The following ELOVL6 variants were observed in gnomAD, a reference collection of about 807,000 sequenced individuals.
The protein encoded by ELOVL6 is ELOVL fatty acid elongase 6, also known as very long chain fatty acid elongase 6.
Under a neutral mutation model 31.7 loss-of-function variants are expected in ELOVL6, and 8 were observed. The observed-to-expected ratio is 0.25, with a 90% CI of 0.15 to 0.45. ELOVL6 has a LOEUF of 0.45. Among genes scored for constraint, ELOVL6 ranks in the 20% least tolerant of loss-of-function variants. ELOVL6 has a pLI of 1.00. For synonymous variants in ELOVL6, 101 were observed against 117.7 expected (o/e 0.86, Z 0.92); for missense variants, 126 against 326.4 (o/e 0.39, Z 4.73).
At chr4:110,095,799 C>A (rs1006805504) in intron 2 of ELOVL6, among the ~76,000 whole-genome samples, 7 of 142,388 alleles carry the variant, frequency 4.9e-5, no homozygotes, top group African/African-American at 1.9e-4. Context: ...ATTGGAGGGT[C>A]CAGGGTGGAA....
intron 2 of ELOVL6, among the ~76,000 whole-genome samples, chr4:110,091,344 G>C (rs1163987611): frequency 1.3e-5 from 2 of 152,128 alleles, no homozygotes; most frequent in Non-Finnish European, 2.9e-5. Flanking sequence ...CTAGAGGTAG[G>C]CTGTCTGTTC....
intron 1 of ELOVL6, among the ~76,000 whole-genome samples, chr4:110,151,015 C>T (rs1166316139): frequency 2.0e-5 from 3 of 151,238 alleles, no homozygotes; most frequent in Non-Finnish European, 2.9e-5. Context: ...TGCACTCCAG[C>T]CTGAGAGACA....
In ELOVL6 at chr4:110,090,600, C is replaced by CTTTTTTGTTTTTTTTTTTTT. The variant is rs1553956743; in HGVS notation, c.221+14896_221+14897insAAAAAAAAAAAAACAAAAAA. On this transcript the variant is annotated intron_variant, in intron 2 of 3. Transcript: ENST00000302274. The stretch of plus-strand genomic sequence containing the variant: ...GGAACTTACAGGAAAGTTTGACTTT[C>CTTTTTTGTTTTTTTTTTTTT]TTTTTTTTTTTTTTTTTTTTCATGA... Among the ~76,000 whole-genome samples, 41 of 103,716 alleles carry CTTTTTTGTTTTTTTTTTTTT rather than the reference C, an allele frequency of 4.0e-4. 2 individuals are homozygous for CTTTTTTGTTTTTTTTTTTTT. The highest frequency in any genetic ancestry group is 7.7e-4 in the African/African-American group (18 of 23,348). 68.0% of individuals were successfully genotyped at this position (103,716 alleles called of 152,430 possible). A position where few individuals can be genotyped will look rare whatever the true frequency, so the allele number is the denominator to read the frequency against.
chr4:110,132,262 A>G (rs559464680), intron 1 of ELOVL6, among the ~76,000 whole-genome samples: 364 of 152,266 alleles, frequency 2.4e-3, no homozygotes, highest in African/African-American at 8.2e-3. Context: ...TGGGAGGGGT[A>G]TGAGTAACCT....
chr4:110,186,532 A>G (rs1193332489), intron 1 of ELOVL6, among the ~76,000 whole-genome samples: 5 of 151,914 alleles, frequency 3.3e-5, no homozygotes, highest in Non-Finnish European at 5.9e-5. Flanking sequence ...ATATAAGTGG[A>G]ATGGGTTCAG....
chr4:110,148,211 T>C (rs1758181413), intron 1 of ELOVL6, among the ~76,000 whole-genome samples: 1 of 149,534 alleles, frequency 6.7e-6, no homozygotes, highest in African/African-American at 2.5e-5. Context: ...CCAAGAAGCA[T>C]ATGAAAAAAT....
intron 2 of ELOVL6, among the ~76,000 whole-genome samples, chr4:110,087,694 A>T (rs767096419): frequency 6.6e-6 from 1 of 152,256 alleles, no homozygotes; most frequent in Admixed American, 6.5e-5. Context: ...CCTTGTTCAT[A>T]CAATTACTTA....
intron 1 of ELOVL6, among the ~76,000 whole-genome samples, chr4:110,152,547 T>C (rs1206599860): frequency 6.6e-6 from 1 of 152,246 alleles, no homozygotes; most frequent in Non-Finnish European, 1.5e-5. Context: ...CAGGCAGTGA[T>C]GCCTGATACC....
chr4:110,144,606 C>A lies in ELOVL6; in HGVS notation c.90-38978G>T, dbSNP rs141753556. Among the ~76,000 whole-genome samples, 8 of 152,248 alleles carry A rather than the reference C, an allele frequency of 5.3e-5. No homozygotes were observed. In the East Asian group the frequency reaches 1.5e-3, roughly 29 times the overall value. On this transcript the variant is annotated intron_variant, in intron 1 of 3. Transcript: ENST00000302274. The stretch of plus-strand genomic sequence containing the variant: ...TCAATTGCAGCACTACTCTTTCCAA[C>A]TTTACACTGGTACCTAACCTGCAGA...
intron 1 of ELOVL6, among the ~76,000 whole-genome samples, chr4:110,129,480 C>T (rs1272610706): frequency 6.6e-6 from 1 of 152,212 alleles, no homozygotes; most frequent in African/African-American, 2.4e-5. Flanking sequence ...TGACTGAATG[C>T]CCATCCATGA....
At chr4:110,094,445 T>TATATATATATA (rs1756519913) in intron 2 of ELOVL6, among the ~76,000 whole-genome samples, 62 of 47,344 alleles carry the variant, frequency 1.3e-3, no homozygotes, top group South Asian at 2.7e-3. Flanking sequence ...ATATATATAA[T>TATATATATATA]ATATATAACA....
At chr4:110,146,318 A>G (rs1758108577) in intron 1 of ELOVL6, 1 of 152,194 alleles carries the variant, frequency 6.6e-6, no homozygotes, top group Non-Finnish European at 1.5e-5. Flanking sequence ...TTTGGATACC[A>G]TGTACAAAAA....
At chr4:110,057,705 G>C (rs2126221330) in intron 3 of ELOVL6, among the ~76,000 whole-genome samples, 1 of 151,838 alleles carries the variant, frequency 6.6e-6, no homozygotes, top group East Asian at 1.9e-4. Flanking sequence ...ACAAAAATTA[G>C]CCGGGTGTAG....
At position 110,147,698 on chromosome 4, in the gene ELOVL6, C is replaced by T. The variant is rs545245299; in HGVS notation, c.90-42070G>A. Reference sequence around the variant, plus strand: ...CCCAGATACTTGAGAGGCTGAGGTACGAGGATCATTTGAGCCTGGGAAGTT... The same window carrying T: ...CCCAGATACTTGAGAGGCTGAGGTATGAGGATCATTTGAGCCTGGGAAGTT... On this transcript the variant is annotated intron_variant, in intron 1 of 3. Coordinates refer to ENST00000302274, the MANE Select transcript of ELOVL6 (RefSeq NM_024090.3). Among the ~76,000 whole-genome samples the T allele has an allele frequency of 5.3e-5, 8 of 150,678 alleles. No individual in the cohort carries two copies. The East Asian group carries it at 5.9e-4, about 11-fold the overall frequency.
intron 1 of ELOVL6, 164 bp downstream of exon 1, chr4:110,198,083 C>T (rs1050957052): frequency 8.6e-6 from 5 of 581,574 alleles, no homozygotes; most frequent in African/African-American, 5.8e-5. Flanking sequence ...TACCCCCCCC[C>T]CCCCAGCGTC....
intron 2 of ELOVL6, among the ~76,000 whole-genome samples, chr4:110,080,421 G>A (rs1755802999): frequency 6.6e-6 from 1 of 152,196 alleles, no homozygotes; most frequent in African/African-American, 2.4e-5. Flanking sequence ...TCCCTGGGAT[G>A]CAAGGCTGGT....
intron 1 of ELOVL6, among the ~76,000 whole-genome samples, chr4:110,149,245 C>T (rs974382424): frequency 1.3e-5 from 2 of 152,260 alleles, no homozygotes; most frequent in East Asian, 1.9e-4. Flanking sequence ...ACTAAAAATA[C>T]GACTAACCTT....
At chr4:110,177,509 G>A (rs931263068) in intron 1 of ELOVL6, among the ~76,000 whole-genome samples, 1 of 151,908 alleles carries the variant, frequency 6.6e-6, no homozygotes, top group Non-Finnish European at 1.5e-5. Context: ...CTTACTGAGT[G>A]CAAGTTGGCT....
chr4:110,081,827 T>C (rs1344668308), intron 2 of ELOVL6, among the ~76,000 whole-genome samples: 1 of 145,768 alleles, frequency 6.9e-6, no homozygotes, highest in Admixed American at 6.9e-5. Flanking sequence ...TGGGAGAAAA[T>C]TTTTGCAATC....
Sources: gnomAD v4.1 joint callset for allele counts (sites outside exome capture counted in the v4.1 genomes callset) on GRCh38, gnomAD v4.1.1 for gene constraint, MANE v1.5 for transcripts, NCBI Gene and HGNC (gene_info 2026-07-23, HGNC 2026-07-21) for gene names.